Variants in PCDHA2 observed in about 807,000 individuals in gnomAD.
PCDHA2 encodes protocadherin alpha 2.
In PCDHA2, 58 loss-of-function variants were observed where a neutral mutation model predicts 66.0. That is an observed-to-expected ratio of 0.88 (90% CI 0.71 to 1.09). The LOEUF (loss-of-function observed/expected upper bound fraction) is 1.09. Ranked by LOEUF, PCDHA2 falls within the 50% of genes least tolerant of loss-of-function variation. The probability of loss-of-function intolerance (pLI) is 0.00; values close to 1 mark genes in which losing one functional copy is unlikely to be tolerated. For missense variants in PCDHA2, 1,267 were observed against 1,242.3 expected (o/e 1.02, Z -0.30); for synonymous variants, 634 against 554.0 (o/e 1.14, Z -2.03).
intron 1 of PCDHA2, among the ~76,000 whole-genome samples, chr5:140,955,954 T>C (rs782364189): frequency 2.0e-5 from 3 of 152,184 alleles, no homozygotes; most frequent in Non-Finnish European, 2.9e-5. Context: ...TACTTGCTTG[T>C]TGTTTGTGCA....
chr5:140,943,090 C>G (rs554425182), intron 1 of PCDHA2, among the ~76,000 whole-genome samples: 3 of 151,542 alleles, frequency 2.0e-5, no homozygotes, highest in African/African-American at 7.3e-5. Context: ...AATCCTGCCT[C>G]TACTAAAAAA....
In PCDHA2 at chr5:140,869,280, G is replaced by A. The variant is rs1294171258; in HGVS notation, c.2388+71928G>A. 8 of 1,613,486 alleles carry A rather than the reference G, an allele frequency of 5.0e-6. No individual in the cohort carries two copies. In the African/African-American group the frequency reaches 8.0e-5, roughly 16 times the overall value. On this transcript the variant is annotated intron_variant, in intron 1 of 3. Transcript: ENST00000526136. ...ACCTGGGGCTGGAGCTGGCGGAGCT[G>A]GTGCAGCGCCTGTTCCGGGTGGCGT...
intron 1 of PCDHA2, among the ~76,000 whole-genome samples, chr5:140,887,924 G>C (rs782008714): frequency 6.6e-5 from 10 of 152,026 alleles, no homozygotes; most frequent in Admixed American, 6.6e-4. Context: ...TCATTTCAGA[G>C]ACCATATTTA....
At chr5:140,802,838 C>T (rs782310533) in intron 1 of PCDHA2, 9 of 1,613,612 alleles carry the variant, frequency 5.6e-6, no homozygotes, top group Admixed American at 1.7e-5. Flanking sequence ...CTCTGGGCAG[C>T]AACGTGACGC....
intron 1 of PCDHA2, chr5:140,877,335 G>C (rs115718636): frequency 0.047 from 75,474 of 1,613,976 alleles, 2,017 homozygotes; most frequent in Middle Eastern, 0.086. Flanking sequence ...CGCACATCCC[G>C]TTCCACGTGG....
intron 1 of PCDHA2, chr5:140,851,464 T>A: frequency 1.1e-6 from 1 of 895,470 alleles, no homozygotes; most frequent in Non-Finnish European, 1.4e-6. Flanking sequence ...TCAAATTATG[T>A]CAATAAATGT....
rs112991614 is a variant in PCDHA2, at chr5:140,829,474, A to G, written c.2388+32122A>G. 3.3e-3 allele frequency: 5,348 copies of G among 1,613,788 alleles called. 124 individuals carry two copies. In the African/African-American group the frequency reaches 0.055, roughly 17 times the overall value. On this transcript the variant is annotated intron_variant, in intron 1 of 3. Transcript: ENST00000526136. ...CGGCGTTCGCGCAGCCCGAGTACAC[A>G]GTGTTCGTGAAGGAGAACAACCCGC...
chr5:140,838,331 C>G (rs1343104365), intron 1 of PCDHA2, among the ~76,000 whole-genome samples: 1 of 149,420 alleles, frequency 6.7e-6, no homozygotes, highest in Admixed American at 6.6e-5. Flanking sequence ...ACCATGTTGC[C>G]CCGGCTGGTC....
chr5:140,979,585 G>T (rs1486792990), intron 2 of PCDHA2, among the ~76,000 whole-genome samples: 1 of 152,156 alleles, frequency 6.6e-6, no homozygotes, highest in Non-Finnish European at 1.5e-5. Context: ...TCCAAATCTA[G>T]CTTACTTTAA....
intron 1 of PCDHA2, chr5:140,802,773 G>A: frequency 6.2e-7 from 1 of 1,613,086 alleles, no homozygotes; most frequent in Non-Finnish European, 8.5e-7. Flanking sequence ...GCTGGACCAC[G>A]AGGAGCTAGA....
intron 1 of PCDHA2, chr5:140,834,595 G>T: frequency 6.2e-7 from 1 of 1,614,156 alleles, no homozygotes; most frequent in Non-Finnish European, 8.5e-7. Context: ...TGCAAATTCC[G>T]TGGGGATCTT....
chr5:140,910,869 C>T (rs2153516135), intron 1 of PCDHA2, among the ~76,000 whole-genome samples: 1 of 152,264 alleles, frequency 6.6e-6, no homozygotes, highest in Non-Finnish European at 1.5e-5. Context: ...CCACCATTAT[C>T]CCACACCCTT....
At chr5:140,860,395 G>C (rs1369632482) in intron 1 of PCDHA2, 2 of 151,922 alleles carry the variant, frequency 1.3e-5, no homozygotes, top group African/African-American at 4.8e-5. Context: ...ATTGAAAAAA[G>C]CAAAAGCAAT....
chr5:140,845,820 T>C (rs1305062554), intron 1 of PCDHA2, among the ~76,000 whole-genome samples: 1 of 149,606 alleles, frequency 6.7e-6, no homozygotes, highest in African/African-American at 2.4e-5. Flanking sequence ...ATAATAAAAT[T>C]TAGTTATTAC....
intron 1 of PCDHA2, chr5:140,851,627 C>A: frequency 1.1e-6 from 1 of 918,296 alleles, no homozygotes. Context: ...GCTTTTTAAA[C>A]AAGTGTTTCC....
intron 1 of PCDHA2, among the ~76,000 whole-genome samples, chr5:140,893,139 C>G (rs2063839594): frequency 6.6e-6 from 1 of 152,186 alleles, no homozygotes; most frequent in East Asian, 1.9e-4. Context: ...TCTTTATCCA[C>G]TCATCTGTTG....
chr5:140,897,701 C>T (rs1161358145), intron 1 of PCDHA2, among the ~76,000 whole-genome samples: 58 of 152,238 alleles, frequency 3.8e-4, no homozygotes, highest in Non-Finnish European at 7.4e-4. Flanking sequence ...TGGGCATATA[C>T]CCAGTAATGG....
chr5:140,975,503 CT>C (rs1189456467), intron 1 of PCDHA2, among the ~76,000 whole-genome samples: 3 of 152,178 alleles, frequency 2.0e-5, no homozygotes, highest in Non-Finnish European at 4.4e-5. Flanking sequence ...TAAAATAGCA[CT>C]ATGCAAAATC....
chr5:140,841,710 C>G (rs2150321322), intron 1 of PCDHA2: 2 of 1,613,856 alleles, frequency 1.2e-6, no homozygotes, highest in African/African-American at 1.3e-5. Context: ...AATGACAACC[C>G]GCCAGTGTTC....
Sources: gnomAD v4.1 joint callset for allele counts (sites outside exome capture counted in the v4.1 genomes callset) on GRCh38, gnomAD v4.1.1 for gene constraint, MANE v1.5 for transcripts, NCBI Gene and HGNC (gene_info 2026-07-23, HGNC 2026-07-21) for gene names.